WWC2: variants seen among roughly 807,000 people sequenced by gnomAD.
WWC2 encodes protein WWC2.
A neutral mutation model predicts 138.5 loss-of-function variants in WWC2; 101 were observed. The observed-to-expected ratio is 0.73, with a 90% CI of 0.62 to 0.86. The LOEUF is 0.86. Ranked by LOEUF, WWC2 falls within the 40% of genes least tolerant of loss-of-function variation. The probability of loss-of-function intolerance (pLI) is 0.00; values close to 1 mark genes in which losing one functional copy is unlikely to be tolerated. For missense variants in WWC2, 1,420 were observed against 1,419.4 expected (o/e 1.00, Z -0.01); for synonymous variants, 558 against 538.4 (o/e 1.04, Z -0.50).
intron 1 of WWC2, among the ~76,000 whole-genome samples, chr4:183,127,396 T>C (rs1466476593): frequency 2.6e-5 from 4 of 152,106 alleles, no homozygotes; most frequent in Admixed American, 2.6e-4. Flanking sequence ...AAGAAAAATA[T>C]TGCTTGATAT....
At chr4:183,259,773 C>A in intron 10 of WWC2, 45 bp downstream of exon 10, 1 of 1,262,384 alleles carries the variant, frequency 7.9e-7, no homozygotes, top group South Asian at 1.4e-5. Flanking sequence ...CTCCGAATAG[C>A]ATGTTCTTGT....
rs181071670 is a variant in WWC2, at chr4:183,184,633, A to T, written c.132-8966A>T. 2.6e-5 allele frequency among the ~76,000 whole-genome samples: 4 copies of T among 152,288 alleles called. No individual in the cohort carries two copies. The East Asian group carries it at 7.7e-4, about 29-fold the overall frequency. On this transcript the variant is annotated intron_variant, in intron 1 of 22. Coordinates refer to ENST00000403733, the MANE Select transcript of WWC2 (RefSeq NM_024949.6). The stretch of plus-strand genomic sequence containing the variant: ...GTTCCCATTGCTCCACATCCTTGTC[A>T]ATACTCGTGTCTTTTGTGTATGTGT...
chr4:183,244,168 G>A (rs1736702862), intron 5 of WWC2, among the ~76,000 whole-genome samples: 1 of 152,126 alleles, frequency 6.6e-6, no homozygotes, highest in Non-Finnish European at 1.5e-5. Context: ...GTATAGAGTT[G>A]TTGGGTGGGG....
chr4:183,199,452 C>A (rs4546292), intron 2 of WWC2, among the ~76,000 whole-genome samples: 2,003 of 152,300 alleles, frequency 0.013, 48 homozygotes, highest in African/African-American at 0.044. Flanking sequence ...CTGCGTACAT[C>A]TATGTCACTA....
chr4:183,192,901 A>G (rs1240951535), intron 1 of WWC2, among the ~76,000 whole-genome samples: 1 of 152,236 alleles, frequency 6.6e-6, no homozygotes, highest in Non-Finnish European at 1.5e-5. Flanking sequence ...TACTCTGCTT[A>G]GGAAACTGTG....
Position 183,284,228 on chromosome 4 carries a change from T to A in WWC2, c.2886T>A (p.Val962=), listed in dbSNP as rs1386282321. Residue 962 remains valine, a splice_region_variant and synonymous_variant, in exon 19 of 23, where the codon GTT becomes GTA. Transcript: ENST00000403733. ...CAAATTGTTAACTTCTCTTATAGGT[T>A]GACAAAGAGACAAACACTGATGAAG... ...SQPPTRIPTL[V]DKETNTDEAA... The A allele has an allele frequency of 6.2e-7, 1 of 1,613,430 alleles. No individual in the cohort carries two copies. Among genetic ancestry groups the A allele is most frequent in the South Asian group, 1.1e-5 (1 of 91,058 alleles).
intron 1 of WWC2, among the ~76,000 whole-genome samples, chr4:183,114,742 T>C (rs1443584088): frequency 2.0e-5 from 3 of 151,906 alleles, no homozygotes; most frequent in African/African-American, 7.3e-5. Flanking sequence ...GGGTAGATAG[T>C]GTGTTGCGGG....
At position 183,208,011 on chromosome 4, in the gene WWC2, C is replaced by G; in HGVS notation, c.300C>G (p.Leu100=). 6.2e-7 allele frequency: 1 copy of G among 1,613,560 alleles called. No individual in the cohort carries two copies. ...KQWRGEQEKM[L]KDYLSVAQDA... ...GGAGGGGGGAACAGGAGAAGATGCT[C>G]AAGGACTACCTCTCTGTGGCACAGG... is the stretch of plus-strand genomic sequence containing the variant. Residue 100 remains leucine, a synonymous_variant, in exon 3 of 23, where the codon CTC becomes CTG. Transcript: ENST00000403733.
chr4:183,160,839 GTGA>G (rs962372938), intron 1 of WWC2, among the ~76,000 whole-genome samples: 21 of 152,266 alleles, frequency 1.4e-4, no homozygotes, highest in Admixed American at 3.9e-4. Context: ...TTTAAGGTGG[GTGA>G]TGATAATGAT....
intron 1 of WWC2, among the ~76,000 whole-genome samples, chr4:183,150,890 A>T (rs995728663): frequency 5.8e-4 from 88 of 152,286 alleles, no homozygotes; most frequent in African/African-American, 1.9e-3. Flanking sequence ...ATGGCTGTAT[A>T]GTATTCCATG....
chr4:183,265,107 A>G lies in WWC2; in HGVS notation c.2039A>G (p.Gln680Arg). Residue 680 changes from glutamine to arginine, a missense_variant and splice_region_variant, in exon 12 of 23, where the codon CAA (glutamine) becomes CGA (arginine). By Grantham distance (43) the Gln-to-Arg change is conservative (BLOSUM62 1). Transcript: ENST00000403733. ...GGGGTCTATGAAGCTTTCGTGAAACAGTAAGGATTCAGCAGGGGCGCTTTT... is the reference window on the plus strand; with the variant it reads ...GGGGTCTATGAAGCTTTCGTGAAACGGTAAGGATTCAGCAGGGGCGCTTTT... ...DSGVYEAFVK[Q>R]PSEMEDVTYS... The G allele has an allele frequency of 6.2e-7, 1 of 1,605,878 alleles. No homozygotes were observed. The highest frequency in any genetic ancestry group is 1.1e-5 in the South Asian group (1 of 89,146).
intron 2 of WWC2, among the ~76,000 whole-genome samples, chr4:183,206,234 G>T (rs1268885354): frequency 1.3e-5 from 2 of 152,020 alleles, no homozygotes; most frequent in Non-Finnish European, 2.9e-5. Flanking sequence ...TTATCTTCTA[G>T]TTACAGTGGC....
In WWC2 at chr4:183,269,080, G is replaced by A. The variant is rs11941467; in HGVS notation, c.2317G>A (p.Ala773Thr). The A allele has an allele frequency of 4.6e-5, 75 of 1,613,624 alleles. No individual in the cohort carries two copies. Among genetic ancestry groups the A allele is most frequent in the Admixed American group, 2.0e-4 (12 of 59,964 alleles). Reference protein sequence around the residue: ...SILFNDVFRVAISQTALQQKT... With the variant: ...SILFNDVFRVTISQTALQQKT... ...TTTATTCAATGATGTGTTCAGAGTC[G>A]CCATTTCCCAAACAGCCTTACAACA... The change falls in exon 15 of 23, where the codon GCC becomes ACC. Residue 773 changes from alanine to threonine, a missense_variant. Transcript: ENST00000403733.
chr4:183,112,097 A>G (rs753740662), intron 1 of WWC2, among the ~76,000 whole-genome samples: 2 of 152,206 alleles, frequency 1.3e-5, no homozygotes, highest in Non-Finnish European at 2.9e-5. Flanking sequence ...AGAAACCAGT[A>G]TTTAACTTGG....
At position 183,260,831 on chromosome 4, in the gene WWC2, T is replaced by C. The variant is rs377620018; in HGVS notation, c.1287-79T>C. 2.5e-4 allele frequency: 376 copies of C among 1,523,724 alleles called. 1 individual carries two copies. The East Asian group carries it at 4.8e-3, about 19-fold the overall frequency. The allele number at this position is 1,523,724 out of a possible 1,614,324, so 94.4% of individuals were successfully genotyped here. A position where few individuals can be genotyped will look rare whatever the true frequency, so the allele number is the denominator to read the frequency against. ...TTAGCAGGTTTCTTCCCTCTGCAGA[T>C]CTGAAGGAGCCAGTAGAGATTGTGA... On this transcript the variant is annotated intron_variant, in intron 10 of 22. Coordinates refer to ENST00000403733, the MANE Select transcript of WWC2 (RefSeq NM_024949.6).
intron 4 of WWC2, among the ~76,000 whole-genome samples, chr4:183,215,120 A>G (rs1182787735): frequency 1.3e-5 from 2 of 152,228 alleles, no homozygotes; most frequent in Admixed American, 6.5e-5. Flanking sequence ...GTTTTCTCCT[A>G]TACAGCCATA....
At chr4:183,276,501 T>C (rs1411786552) in intron 16 of WWC2, among the ~76,000 whole-genome samples, 2 of 152,102 alleles carry the variant, frequency 1.3e-5, no homozygotes, top group African/African-American at 4.8e-5. Context: ...TCTTAACTTA[T>C]TAAAAACTAC....
At chr4:183,288,992 G>T (rs897238146) in intron 20 of WWC2, among the ~76,000 whole-genome samples, 1 of 152,224 alleles carries the variant, frequency 6.6e-6, no homozygotes, top group Non-Finnish European at 1.5e-5. Flanking sequence ...AAGCCAGGCT[G>T]TACTATGGTA....
Position 183,099,397 on chromosome 4 carries a change from G to A in WWC2, c.-95G>A. On this transcript the variant is annotated 5_prime_UTR_variant, in exon 1 of 23. Coordinates refer to ENST00000403733, the MANE Select transcript of WWC2 (RefSeq NM_024949.6). Reference sequence around the variant, plus strand: ...CCCTCAGCCCCTCGCCGGCGCCCGCGTCGCGGGTTGGCAGCCTAGCCCGGC... The same window carrying A: ...CCCTCAGCCCCTCGCCGGCGCCCGCATCGCGGGTTGGCAGCCTAGCCCGGC... 1 of 1,154,502 alleles carries A rather than the reference G, an allele frequency of 8.7e-7. No individual in the cohort carries two copies. The allele number at this position is 1,154,502 out of a possible 1,614,324, so 71.5% of individuals were successfully genotyped here. A position where few individuals can be genotyped will look rare whatever the true frequency, so the allele number is the denominator to read the frequency against.
Sources: allele counts gnomAD v4.1 joint callset (sites outside exome capture counted in the v4.1 genomes callset), GRCh38; gene constraint gnomAD v4.1.1; transcripts MANE v1.5; gene names NCBI Gene and HGNC (gene_info 2026-07-23, HGNC 2026-07-21).